WDR7: variants seen among roughly 807,000 people sequenced by gnomAD.
WDR7 encodes WD repeat-containing protein 7.
Under a neutral mutation model 169.4 loss-of-function variants are expected in WDR7, and 46 were observed. That is an observed-to-expected ratio of 0.27 (90% CI 0.21 to 0.35). The LOEUF is 0.35. Ranked by LOEUF, WDR7 falls within the 10% of genes least tolerant of loss-of-function variation. The pLI is 1.00. For synonymous variants in WDR7, 612 were observed against 666.8 expected (o/e 0.92, Z 1.27); for missense variants, 1,534 against 1,859.3 (o/e 0.83, Z 3.22).
chr18:57,006,709 TTAG>T (rs2048062996), intron 26 of WDR7, among the ~76,000 whole-genome samples: 1 of 152,198 alleles, frequency 6.6e-6, no homozygotes, highest in Admixed American at 6.5e-5. Context: ...GTGGCTATAA[TTAG>T]TAGTAAAGTA....
intron 1 of WDR7, among the ~76,000 whole-genome samples, chr18:56,668,697 G>T (rs534088061): frequency 1.1e-4 from 16 of 152,156 alleles, no homozygotes; most frequent in Non-Finnish European, 2.1e-4. Context: ...ATAAAGTAAT[G>T]CAGAACTAAA....
Position 56,809,819 on chromosome 18 carries a change from A to G in WDR7, c.3191-6212A>G, listed in dbSNP as rs1312769149. ...GCTAAGTTTTTGGAAGTATATATAT[A>G]TATAGTAAAATGCACACTTTTAAAC... On this transcript the variant is annotated intron_variant, in intron 19 of 27. Transcript: ENST00000254442. 2.0e-5 allele frequency among the ~76,000 whole-genome samples: 3 copies of G among 152,102 alleles called. 1 individual carries two copies. Among genetic ancestry groups the G allele is most frequent in the Non-Finnish European group, 1.5e-5 (1 of 67,992 alleles).
chr18:57,001,340 C>T (rs2047975879), intron 26 of WDR7, among the ~76,000 whole-genome samples: 2 of 151,786 alleles, frequency 1.3e-5, no homozygotes, highest in South Asian at 4.2e-4. Context: ...GTTAAGTTTC[C>T]CCAAGGGAAA....
intron 13 of WDR7, among the ~76,000 whole-genome samples, chr18:56,730,450 G>A (rs932415978): frequency 2.6e-5 from 4 of 152,166 alleles, no homozygotes; most frequent in Admixed American, 6.5e-5. Flanking sequence ...TAAACAGAAA[G>A]GATAGCCAAA....
chr18:56,962,717 G>A (rs967161877), intron 26 of WDR7, among the ~76,000 whole-genome samples, 188 bp downstream of exon 26: 2 of 152,136 alleles, frequency 1.3e-5, no homozygotes, highest in African/African-American at 4.8e-5. Context: ...GGGACTGAAG[G>A]GTTGCCACAG....
intron 21 of WDR7, among the ~76,000 whole-genome samples, chr18:56,895,895 T>C (rs2046326523): frequency 6.6e-6 from 1 of 151,824 alleles, no homozygotes; most frequent in African/African-American, 2.4e-5. Flanking sequence ...CTCATCATTC[T>C]TATAATAACT....
chr18:56,861,010 T>C (rs1354505029), intron 20 of WDR7, among the ~76,000 whole-genome samples: 2 of 152,202 alleles, frequency 1.3e-5, no homozygotes, highest in African/African-American at 4.8e-5. Context: ...CTATGTTAAC[T>C]GTTTTGCTTT....
chr18:56,731,908 G>C (rs1010313126), intron 14 of WDR7, among the ~76,000 whole-genome samples: 3 of 152,178 alleles, frequency 2.0e-5, no homozygotes, highest in Admixed American at 6.5e-5. Context: ...TCTGTTGAAA[G>C]ATTGAGCACT....
At chr18:56,879,910 G>T (rs1198577765) in intron 20 of WDR7, 34 bp from the exon 21 acceptor site, 10 of 1,531,390 alleles carry the variant, frequency 6.5e-6, no homozygotes, top group Non-Finnish European at 9.0e-6. Flanking sequence ...ATATTGATTT[G>T]TTCTAAGTTG....
intron 20 of WDR7, among the ~76,000 whole-genome samples, chr18:56,850,290 A>T (rs544742550): frequency 6.6e-6 from 1 of 152,194 alleles, no homozygotes; most frequent in Admixed American, 6.5e-5. Context: ...TATGTTCTGG[A>T]TGTAAATGCT....
chr18:56,930,671 G>A (rs1453456148), intron 22 of WDR7, among the ~76,000 whole-genome samples: 1 of 152,152 alleles, frequency 6.6e-6, no homozygotes, highest in Admixed American at 6.5e-5. Context: ...GTTTAGCCAG[G>A]AAGGAATAAA....
chr18:56,973,480 T>C (rs1479940278), intron 26 of WDR7, among the ~76,000 whole-genome samples: 1 of 152,160 alleles, frequency 6.6e-6, no homozygotes, highest in East Asian at 1.9e-4. Flanking sequence ...CTAATATATA[T>C]ACATATTGTG....
intron 20 of WDR7, among the ~76,000 whole-genome samples, chr18:56,844,895 A>G (rs1302146520): frequency 6.6e-6 from 1 of 152,194 alleles, no homozygotes; most frequent in Non-Finnish European, 1.5e-5. Flanking sequence ...ATTTAGAGAG[A>G]GAGACCACAT....
chr18:56,878,492 A>G (rs1297783503), intron 20 of WDR7, among the ~76,000 whole-genome samples: 1 of 152,182 alleles, frequency 6.6e-6, no homozygotes, highest in Admixed American at 6.5e-5. Context: ...GTAGATGCCC[A>G]ATAAATATTT....
intron 12 of WDR7, among the ~76,000 whole-genome samples, chr18:56,702,341 C>T (rs2025852454): frequency 6.6e-6 from 1 of 152,092 alleles, no homozygotes; most frequent in African/African-American, 2.4e-5. Context: ...TGTATTTCCA[C>T]ATAGGTTACT....
chr18:56,922,378 T>C (rs1045235839), intron 21 of WDR7, among the ~76,000 whole-genome samples: 2 of 152,072 alleles, frequency 1.3e-5, no homozygotes, highest in African/African-American at 4.8e-5. Flanking sequence ...TTTAAAAATA[T>C]GAGCATTTCA....
intron 21 of WDR7, among the ~76,000 whole-genome samples, chr18:56,903,045 C>T (rs2046424745): frequency 6.6e-6 from 1 of 152,132 alleles, no homozygotes; most frequent in South Asian, 2.1e-4. Context: ...GCCTTTCTGA[C>T]TTAAATATCA....
intron 26 of WDR7, among the ~76,000 whole-genome samples, chr18:56,970,722 A>G (rs1048072289): frequency 2.0e-5 from 3 of 152,160 alleles, no homozygotes; most frequent in Non-Finnish European, 2.9e-5. Flanking sequence ...TGTGCATTCT[A>G]TGGGTGTGGG....
At chr18:57,011,731 A>G (rs1219866390) in intron 26 of WDR7, among the ~76,000 whole-genome samples, 1 of 152,220 alleles carries the variant, frequency 6.6e-6, no homozygotes, top group African/African-American at 2.4e-5. Flanking sequence ...AGAACTGCCA[A>G]AGGGCAGCAT....
Sources: allele counts gnomAD v4.1 joint callset (sites outside exome capture counted in the v4.1 genomes callset), GRCh38; gene constraint gnomAD v4.1.1; transcripts MANE v1.5; gene names NCBI Gene and HGNC (gene_info 2026-07-23, HGNC 2026-07-21).